The following PRKG1 variants were observed in gnomAD, a reference collection of about 807,000 sequenced individuals.
The protein encoded by PRKG1 is cGMP-dependent protein kinase 1.
In PRKG1, 35 loss-of-function variants were observed where a neutral mutation model predicts 88.1. The ratio of observed to expected loss-of-function variants is 0.40; its 90% confidence interval spans 0.30 to 0.53. The LOEUF (loss-of-function observed/expected upper bound fraction) is 0.53. Among genes scored for constraint, PRKG1 ranks in the 20% least tolerant of loss-of-function variants. PRKG1 has a pLI of 0.59. For synonymous variants in PRKG1, 303 were observed against 292.5 expected (o/e 1.04, Z -0.37); for missense variants, 540 against 839.8 (o/e 0.64, Z 4.41).
At chr10:51,768,547 C>T (rs965576673) in intron 3 of PRKG1, among the ~76,000 whole-genome samples, 6 of 152,096 alleles carry the variant, frequency 3.9e-5, no homozygotes, top group Non-Finnish European at 7.4e-5. Flanking sequence ...AAATTTAAAA[C>T]TTTTAGCTGA....
chr10:51,893,554 T>G (rs1375857177), intron 4 of PRKG1, among the ~76,000 whole-genome samples: 1 of 152,166 alleles, frequency 6.6e-6, no homozygotes, highest in Non-Finnish European at 1.5e-5. Flanking sequence ...TCAGAACCAC[T>G]GTTGCTTCAT....
intron 2 of PRKG1, among the ~76,000 whole-genome samples, chr10:51,390,104 T>A (rs1372495671): frequency 1.3e-5 from 2 of 152,220 alleles, no homozygotes; most frequent in Admixed American, 1.3e-4. Context: ...TTAAAATGTT[T>A]CAAAACTCCA....
chr10:51,514,718 T>A (rs1841527901), intron 3 of PRKG1, among the ~76,000 whole-genome samples: 1 of 152,336 alleles, frequency 6.6e-6, no homozygotes, highest in African/African-American at 2.4e-5. Context: ...TAAATCTAGA[T>A]GAATCTGGAC....
At chr10:51,702,084 T>C (rs1841482837) in intron 3 of PRKG1, among the ~76,000 whole-genome samples, 1 of 152,214 alleles carries the variant, frequency 6.6e-6, no homozygotes, top group South Asian at 2.1e-4. Flanking sequence ...TAAAACATTA[T>C]GAATTTACTA....
At position 52,030,835 on chromosome 10, in the gene PRKG1, A is replaced by G. The variant is rs1845457582; in HGVS notation, c.763-23649A>G. ...GAGCATAAATGTATAAATGCATTTCAACCAAATCAATTAAAAAGGAAGAGG... is the reference window on the plus strand; with the variant it reads ...GAGCATAAATGTATAAATGCATTTCGACCAAATCAATTAAAAAGGAAGAGG... On this transcript the variant is annotated intron_variant, in intron 5 of 17. Coordinates refer to ENST00000373980, the MANE Select transcript of PRKG1 (RefSeq NM_006258.4). Among the ~76,000 whole-genome samples, 2 of 152,246 alleles carry G rather than the reference A, an allele frequency of 1.3e-5. 1 individual carries two copies. The highest frequency in any genetic ancestry group is 3.8e-4 in the East Asian group (2 of 5,196).
chr10:51,162,296 C>CA (rs1846384022), intron 2 of PRKG1, among the ~76,000 whole-genome samples: 1 of 152,058 alleles, frequency 6.6e-6, no homozygotes, highest in South Asian at 2.1e-4. Flanking sequence ...TTGAATTCTC[C>CA]CATGTCTCCA....
chr10:51,470,303 G>A (rs1266329626), intron 3 of PRKG1, among the ~76,000 whole-genome samples: 2 of 151,898 alleles, frequency 1.3e-5, no homozygotes, highest in Middle Eastern at 3.4e-3. Flanking sequence ...AATGACAAGA[G>A]TATTGACCAT....
intron 3 of PRKG1, among the ~76,000 whole-genome samples, chr10:51,663,702 CAAAAAAAAA>C (rs56804341): frequency 1.4e-5 from 1 of 72,722 alleles, no homozygotes; most frequent in East Asian, 4.0e-4. Context: ...GACCCTGTCT[CAAAAAAAAA>C]AAAAAAAAAA....
At chr10:51,357,383 T>G (rs1205053156) in intron 2 of PRKG1, among the ~76,000 whole-genome samples, 1 of 151,974 alleles carries the variant, frequency 6.6e-6, no homozygotes, top group East Asian at 1.9e-4. Flanking sequence ...CTCATTTGCC[T>G]TCTGTTGGAA....
intron 5 of PRKG1, among the ~76,000 whole-genome samples, 188 bp from the exon 6 acceptor site, chr10:52,054,296 A>G (rs1846057461): frequency 6.6e-6 from 1 of 152,232 alleles, no homozygotes; most frequent in African/African-American, 2.4e-5. Context: ...AATGAGCATT[A>G]TAGAGATGAT....
intron 1 of PRKG1, among the ~76,000 whole-genome samples, chr10:51,068,853 G>A (rs1405254692): frequency 6.6e-6 from 1 of 151,790 alleles, no homozygotes; most frequent in Non-Finnish European, 1.5e-5. Flanking sequence ...TATTCATTAC[G>A]CTTCAAATGC....
At chr10:51,069,852 A>G (rs79385300), upstream of PRKG1, among the ~76,000 whole-genome samples, 244 of 152,256 alleles carry the variant, frequency 1.6e-3, no homozygotes, top group African/African-American at 5.7e-3. Flanking sequence ...AGTTTTAAAG[A>G]CAGGACAATT....
chr10:51,966,985 T>G (rs1269222276), intron 5 of PRKG1, among the ~76,000 whole-genome samples: 1 of 152,190 alleles, frequency 6.6e-6, no homozygotes, highest in Non-Finnish European at 1.5e-5. Context: ...GTTCAACCAT[T>G]GTGGAAGTCA....
chr10:51,054,709 T>C (rs1317002554), intron 1 of PRKG1, among the ~76,000 whole-genome samples: 1 of 152,284 alleles, frequency 6.6e-6, no homozygotes, highest in South Asian at 2.1e-4. Context: ...AATTGTTGGA[T>C]CATGATACCA....
intron 2 of PRKG1, among the ~76,000 whole-genome samples, chr10:51,283,461 CAT>C (rs1241101878): frequency 1.3e-5 from 2 of 152,030 alleles, no homozygotes; most frequent in Non-Finnish European, 2.9e-5. Context: ...AGCAGTAAAA[CAT>C]GTGTCCTAGA....
chr10:51,537,655 G>C (rs1284718048), intron 3 of PRKG1, among the ~76,000 whole-genome samples: 1 of 150,332 alleles, frequency 6.7e-6, no homozygotes, highest in African/African-American at 2.5e-5. Context: ...TTGAACCCAG[G>C]AGGCAGAGGT....
At chr10:51,714,851 T>A (rs1328886864) in intron 3 of PRKG1, among the ~76,000 whole-genome samples, 1 of 152,240 alleles carries the variant, frequency 6.6e-6, no homozygotes, top group East Asian at 1.9e-4. Flanking sequence ...TAGAGCTGTA[T>A]GTCATAAAAA....
chr10:51,398,243 A>C (rs1199283807), intron 2 of PRKG1, among the ~76,000 whole-genome samples: 2 of 152,176 alleles, frequency 1.3e-5, no homozygotes, highest in Non-Finnish European at 2.9e-5. Context: ...AAACTGTTTC[A>C]TCTCAGATCA....
chr10:52,015,528 T>A (rs1192172726), intron 5 of PRKG1, among the ~76,000 whole-genome samples: 1 of 151,990 alleles, frequency 6.6e-6, no homozygotes, highest in Admixed American at 6.6e-5. Context: ...CCTGGAGACA[T>A]TTTTTTCCAT....
Sources: allele counts gnomAD v4.1 joint callset (sites outside exome capture counted in the v4.1 genomes callset), GRCh38; gene constraint gnomAD v4.1.1; transcripts MANE v1.5; gene names NCBI Gene and HGNC (gene_info 2026-07-23, HGNC 2026-07-21).